Variants in GULP1 observed in about 807,000 individuals in gnomAD.
GULP1 encodes PTB domain-containing engulfment adapter protein 1.
GULP1 carries 19 observed loss-of-function variants against 40.9 expected under a neutral mutation model. The ratio of observed to expected loss-of-function variants is 0.46; its 90% confidence interval spans 0.32 to 0.68. The LOEUF (loss-of-function observed/expected upper bound fraction) is 0.68, where lower values mean the gene tolerates loss of function less well. GULP1 is among the 30% of genes least tolerant of loss of function. GULP1 has a pLI of 0.03. For synonymous variants in GULP1, 119 were observed against 117.6 expected (o/e 1.01, Z -0.08); for missense variants, 312 against 362.2 (o/e 0.86, Z 1.12).
intron 1 of GULP1, among the ~76,000 whole-genome samples, chr2:188,353,001 G>A (rs1056616617): frequency 1.3e-4 from 20 of 152,070 alleles, no homozygotes; most frequent in Admixed American, 6.6e-5. Flanking sequence ...GATCGGTAAG[G>A]TTTTGGCAGA....
intron 2 of GULP1, among the ~76,000 whole-genome samples, chr2:188,395,468 G>T (rs1315194011): frequency 6.6e-6 from 1 of 152,106 alleles, no homozygotes. Context: ...TGGACAAGGG[G>T]CAAAACAAGT....
rs140046568 is a variant in GULP1 at position 188,515,663 on chromosome 2, G to C, written c.91-7093G>C. Among the ~76,000 whole-genome samples the C allele has an allele frequency of 4.6e-3, 694 of 151,284 alleles. 8 individuals are homozygous for C. Among genetic ancestry groups the C allele is most frequent in the African/African-American group, 0.016 (665 of 41,162 alleles). The stretch of plus-strand genomic sequence containing the variant: ...ATATAATATGTGTGTCTGTGATCTA[G>C]ACATAAAATAGACATAGATACACAT... On this transcript the variant is annotated intron_variant, in intron 4 of 11. Coordinates refer to ENST00000409830, the MANE Select transcript of GULP1 (RefSeq NM_016315.4).
chr2:188,524,209 A>G (rs1320890852), intron 5 of GULP1, among the ~76,000 whole-genome samples: 1 of 152,204 alleles, frequency 6.6e-6, no homozygotes, highest in Non-Finnish European at 1.5e-5. Flanking sequence ...AACCCAAATC[A>G]AAAACCAAAA....
chr2:188,459,597 AT>A (rs1266336660), intron 2 of GULP1, among the ~76,000 whole-genome samples: 3 of 151,816 alleles, frequency 2.0e-5, no homozygotes, highest in Non-Finnish European at 4.4e-5. Flanking sequence ...TAGTTTGCAA[AT>A]TTTTTATCCC....
intron 7 of GULP1, among the ~76,000 whole-genome samples, chr2:188,565,682 T>C (rs1386711496): frequency 6.6e-6 from 1 of 152,060 alleles, no homozygotes; most frequent in South Asian, 2.1e-4. Flanking sequence ...TCTAGATATT[T>C]ACCAAGAGAC....
chr2:188,295,459 C>G (rs2034705027), intron 1 of GULP1, among the ~76,000 whole-genome samples: 1 of 152,074 alleles, frequency 6.6e-6, no homozygotes, highest in Non-Finnish European at 1.5e-5. Flanking sequence ...GCCTATGTTT[C>G]TGTCTATAAT....
At chr2:188,445,273 A>G (rs1160011829) in intron 2 of GULP1, among the ~76,000 whole-genome samples, 3 of 152,114 alleles carry the variant, frequency 2.0e-5, no homozygotes, top group South Asian at 2.1e-4. Context: ...ATTATAGTAG[A>G]AACAAATGAG....
chr2:188,463,613 C>G (rs1237532007), intron 2 of GULP1, among the ~76,000 whole-genome samples: 7 of 152,088 alleles, frequency 4.6e-5, no homozygotes, highest in African/African-American at 1.7e-4. Flanking sequence ...TCTCTACCTT[C>G]TCTTTAAGGC....
intron 1 of GULP1, among the ~76,000 whole-genome samples, chr2:188,380,692 T>C (rs1360346588): frequency 1.3e-5 from 2 of 152,172 alleles, no homozygotes; most frequent in African/African-American, 4.8e-5. Flanking sequence ...GTTAAATTAT[T>C]GGACTTAGGT....
intron 2 of GULP1, among the ~76,000 whole-genome samples, chr2:188,413,325 A>G (rs1265691262): frequency 1.3e-5 from 2 of 152,064 alleles, no homozygotes; most frequent in Non-Finnish European, 2.9e-5. Context: ...AAGCATTCCT[A>G]TTTCTCCACA....
At chr2:188,532,322 T>G (rs1687756714) in intron 6 of GULP1, among the ~76,000 whole-genome samples, 1 of 152,144 alleles carries the variant, frequency 6.6e-6, no homozygotes, top group Non-Finnish European at 1.5e-5. Context: ...TAGAGAAAAC[T>G]TTTTTGGGTT....
At chr2:188,586,581 T>C (rs1702418512) in intron 10 of GULP1, among the ~76,000 whole-genome samples, 1 of 152,170 alleles carries the variant, frequency 6.6e-6, no homozygotes, top group Admixed American at 6.5e-5. Context: ...AATTCCCATT[T>C]GATTAGGATA....
intron 11 of GULP1, chr2:188,592,162 C>T (rs939437902): frequency 6.6e-5 from 10 of 151,936 alleles, no homozygotes; most frequent in Non-Finnish European, 1.3e-4. Context: ...ATTGATAACA[C>T]ATTGACAAAT....
At chr2:188,546,791 A>G (rs1692079855) in intron 7 of GULP1, among the ~76,000 whole-genome samples, 1 of 152,076 alleles carries the variant, frequency 6.6e-6, no homozygotes, top group Admixed American at 6.6e-5. Flanking sequence ...TATAAAAGTC[A>G]CAAATTGTAT....
At chr2:188,587,971 C>G in intron 11 of GULP1, 22 bp downstream of exon 11, 1 of 1,133,070 alleles carries the variant, frequency 8.8e-7, no homozygotes, top group Non-Finnish European at 1.4e-6. Context: ...GATAGACTGG[C>G]CCATAAATGA....
intron 1 of GULP1, among the ~76,000 whole-genome samples, chr2:188,346,778 C>A (rs1004357156): frequency 6.6e-6 from 1 of 151,906 alleles, no homozygotes; most frequent in African/African-American, 2.4e-5. Flanking sequence ...TGAGAACATC[C>A]TGGCCAACTT....
At chr2:188,300,539 CAA>C (rs1416415731) in intron 1 of GULP1, among the ~76,000 whole-genome samples, 1 of 152,058 alleles carries the variant, frequency 6.6e-6, no homozygotes, top group Non-Finnish European at 1.5e-5. Flanking sequence ...TGTACAAGTA[CAA>C]CAAATTACTA....
rs1704246474 is a variant in GULP1, at chr2:188,595,098, CT to C, written c.*1089del. 2.7e-5 allele frequency: 4 copies of C among 147,322 alleles called. No homozygotes were observed. In the South Asian group the frequency reaches 8.4e-4, roughly 31 times the overall value. 9.1% of individuals were successfully genotyped at this position (147,322 alleles called of 1,614,324 possible). A position where few individuals can be genotyped will look rare whatever the true frequency, so the allele number is the denominator to read the frequency against. On this transcript the variant is annotated 3_prime_UTR_variant, in exon 12 of 12. Coordinates refer to ENST00000409830, the MANE Select transcript of GULP1 (RefSeq NM_016315.4). Reference sequence around the variant, plus strand: ...AAACCCAGTTACTGCTCAGTTTAGTCTTGAACATGAGCAATAAAATTCTCTT... The same window carrying C: ...AAACCCAGTTACTGCTCAGTTTAGTCTGAACATGAGCAATAAAATTCTCTT...
At chr2:188,324,543 T>TC (rs2040469827) in intron 1 of GULP1, among the ~76,000 whole-genome samples, 1 of 151,998 alleles carries the variant, frequency 6.6e-6, no homozygotes, top group African/African-American at 2.4e-5. Flanking sequence ...TTAAGAACCT[T>TC]TAAGTTTTTA....
Sources: allele counts gnomAD v4.1 joint callset (sites outside exome capture counted in the v4.1 genomes callset), GRCh38; gene constraint gnomAD v4.1.1; transcripts MANE v1.5; gene names NCBI Gene and HGNC (gene_info 2026-07-23, HGNC 2026-07-21).